NR3C2: variants seen among roughly 807,000 people sequenced by gnomAD.
NR3C2 encodes mineralocorticoid receptor.
Under a neutral mutation model 86.4 loss-of-function variants are expected in NR3C2, and 15 were observed. That is an observed-to-expected ratio of 0.17 (90% CI 0.12 to 0.27). NR3C2 has a LOEUF of 0.27. Among genes scored for constraint, NR3C2 ranks in the 10% least tolerant of loss-of-function variants. The pLI, the probability that NR3C2 is intolerant of heterozygous loss-of-function variation, is 1.00. For synonymous variants in NR3C2, 458 were observed against 450.5 expected (o/e 1.02, Z -0.21); for missense variants, 960 against 1,195.6 (o/e 0.80, Z 2.91).
At chr4:148,236,863 A>T (rs1216921853) in intron 3 of NR3C2, among the ~76,000 whole-genome samples, 2 of 152,206 alleles carry the variant, frequency 1.3e-5, no homozygotes, top group Non-Finnish European at 2.9e-5. Flanking sequence ...ACATCGATGC[A>T]AAAACACTTA....
chr4:148,130,991 T>G (rs1304757201), intron 6 of NR3C2, among the ~76,000 whole-genome samples: 1 of 151,952 alleles, frequency 6.6e-6, no homozygotes, highest in Non-Finnish European at 1.5e-5. Context: ...CCACAATGCC[T>G]GGCTAATTTT....
At chr4:148,445,074 G>A, upstream of NR3C2, 1 of 895,402 alleles carries the variant, frequency 1.1e-6, no homozygotes, top group South Asian at 5.1e-5. Flanking sequence ...GTGGGAAACG[G>A]GCAGGGGCGC....
At chr4:148,160,835 T>G (rs958968402) in intron 4 of NR3C2, among the ~76,000 whole-genome samples, 7 of 152,148 alleles carry the variant, frequency 4.6e-5, no homozygotes, top group Non-Finnish European at 8.8e-5. Context: ...CCCGTCACCC[T>G]CATACATGGG....
chr4:148,276,990 A>T (rs1740992817), intron 2 of NR3C2, among the ~76,000 whole-genome samples: 2 of 152,248 alleles, frequency 1.3e-5, no homozygotes, highest in Non-Finnish European at 2.9e-5. Flanking sequence ...AATTTACTGT[A>T]TGTTCAGTAA....
chr4:148,358,286 C>G (rs1386260528), intron 2 of NR3C2, among the ~76,000 whole-genome samples: 1 of 152,036 alleles, frequency 6.6e-6, no homozygotes, highest in Non-Finnish European at 1.5e-5. Flanking sequence ...GAATACTATG[C>G]AGCCATAAAA....
chr4:148,319,091 A>G (rs1404669292), intron 2 of NR3C2, among the ~76,000 whole-genome samples: 7 of 151,608 alleles, frequency 4.6e-5, no homozygotes, highest in South Asian at 2.1e-4. Flanking sequence ...AGCTTTCTAC[A>G]TATGGCTAGC....
intron 2 of NR3C2, among the ~76,000 whole-genome samples, chr4:148,261,441 A>ATGGT (rs1159580404): frequency 2.6e-5 from 4 of 152,048 alleles, no homozygotes; most frequent in South Asian, 2.1e-4. Context: ...ATGGTGCGCT[A>ATGGT]CGGTCAGTGC....
chr4:148,318,522 T>C lies in NR3C2; in HGVS notation c.1758-58405A>G, dbSNP rs544842204. ...GTAAAAGTGTTCCTATTTCTCCACA[T>C]CCTCTCCAGCACCTGTTGTTTCCTG... On this transcript the variant is annotated intron_variant, in intron 2 of 8. Coordinates refer to ENST00000358102, the MANE Select transcript of NR3C2 (RefSeq NM_000901.5). Among the ~76,000 whole-genome samples, 173 of 151,068 alleles carry C rather than the reference T, an allele frequency of 1.1e-3. 1 individual carries two copies. Among genetic ancestry groups the C allele is most frequent in the African/African-American group, 3.9e-3 (160 of 40,824 alleles).
intron 4 of NR3C2, among the ~76,000 whole-genome samples, chr4:148,183,682 T>C (rs576446342): frequency 6.6e-6 from 1 of 152,166 alleles, no homozygotes; most frequent in Non-Finnish European, 1.5e-5. Context: ...ACAGTGCATA[T>C]AATGGGCTCA....
intron 8 of NR3C2, among the ~76,000 whole-genome samples, chr4:148,086,728 C>T (rs753324046): frequency 2.0e-5 from 3 of 152,052 alleles, no homozygotes; most frequent in Admixed American, 2.0e-4. Flanking sequence ...AGTGACAGAG[C>T]GAGACTGTCT....
At chr4:148,317,178 C>A (rs1366235761) in intron 2 of NR3C2, among the ~76,000 whole-genome samples, 1 of 151,896 alleles carries the variant, frequency 6.6e-6, no homozygotes, top group Non-Finnish European at 1.5e-5. Context: ...TCAACCCATG[C>A]ATTAGAAAGA....
At chr4:148,394,977 G>A (rs1283142493) in intron 2 of NR3C2, among the ~76,000 whole-genome samples, 1 of 152,092 alleles carries the variant, frequency 6.6e-6, no homozygotes, top group Non-Finnish European at 1.5e-5. Context: ...CAAGCAGAAT[G>A]TAGTGGGGGA....
Position 148,435,925 on chromosome 4 carries a change from G to A in NR3C2, c.936C>T (p.Ser312=). The A allele has an allele frequency of 1.2e-6, 2 of 1,614,198 alleles. No homozygotes were observed. The highest frequency in any genetic ancestry group is 1.6e-4 in the Middle Eastern group (1 of 6,062). ...NINNSRCSVS[S]PSNTNNRSTL... is the part of the protein sequence containing the mutation. The stretch of plus-strand genomic sequence containing the variant: ...TGGATCTGTTATTAGTGTTCGAAGG[G>A]CTGGAAACAGAGCACCTTGAGTTGT... Residue 312 remains serine (S), a synonymous_variant, in exon 2 of 9, where the codon AGC becomes AGT. Coordinates refer to ENST00000358102, the MANE Select transcript of NR3C2 (RefSeq NM_000901.5).
At chr4:148,299,638 A>C (rs1447262671) in intron 2 of NR3C2, among the ~76,000 whole-genome samples, 1 of 152,242 alleles carries the variant, frequency 6.6e-6, no homozygotes, top group Non-Finnish European at 1.5e-5. Context: ...GTAGAGCTCC[A>C]TCCAAGCCCC....
At chr4:148,402,232 A>G (rs1748205681) in intron 2 of NR3C2, among the ~76,000 whole-genome samples, 1 of 152,212 alleles carries the variant, frequency 6.6e-6, no homozygotes, top group Non-Finnish European at 1.5e-5. Flanking sequence ...TTAGCAATAA[A>G]CTGCCAGATC....
intron 2 of NR3C2, among the ~76,000 whole-genome samples, chr4:148,423,689 A>G (rs374674812): frequency 8.5e-5 from 13 of 152,308 alleles, no homozygotes; most frequent in African/African-American, 2.9e-4. Flanking sequence ...TGGGGACTAA[A>G]TAATTTGAAA....
At chr4:148,186,831 T>C (rs1294958159) in intron 4 of NR3C2, among the ~76,000 whole-genome samples, 1 of 150,780 alleles carries the variant, frequency 6.6e-6, no homozygotes, top group African/African-American at 2.4e-5. Flanking sequence ...TCCTCATAGC[T>C]TAGCTCCCAC....
At chr4:148,217,732 T>C (rs946697966) in intron 3 of NR3C2, among the ~76,000 whole-genome samples, 7 of 152,234 alleles carry the variant, frequency 4.6e-5, no homozygotes, top group Admixed American at 1.3e-4. Context: ...CGAAAAAGAA[T>C]AGTCTAAAGT....
At chr4:148,411,549 T>C (rs924691257) in intron 2 of NR3C2, among the ~76,000 whole-genome samples, 13 of 152,324 alleles carry the variant, frequency 8.5e-5, no homozygotes, top group African/African-American at 3.1e-4. Context: ...ATGGACATAT[T>C]CTATGTGGTT....
Sources: gnomAD v4.1 joint callset for allele counts (sites outside exome capture counted in the v4.1 genomes callset) on GRCh38, gnomAD v4.1.1 for gene constraint, MANE v1.5 for transcripts, NCBI Gene and HGNC (gene_info 2026-07-23, HGNC 2026-07-21) for gene names.